PCDHA2: variants seen among roughly 807,000 people sequenced by gnomAD.
PCDHA2 encodes protocadherin alpha 2.
PCDHA2 carries 58 observed loss-of-function variants against 66.0 expected under a neutral mutation model. The ratio of observed to expected loss-of-function variants is 0.88; its 90% CI spans 0.71 to 1.09. PCDHA2 has a LOEUF of 1.09. Among genes scored for constraint, PCDHA2 ranks in the 50% least tolerant of loss-of-function variants. The pLI, the probability that PCDHA2 is intolerant of heterozygous loss-of-function variation, is 0.00. For synonymous variants in PCDHA2, 634 were observed against 554.0 expected, an observed-to-expected ratio of 1.14 and a Z score of -2.03; for missense variants, 1,267 against 1,242.3, an observed-to-expected ratio of 1.02 and a Z score of -0.30.
At chr5:140,810,582 T>C (rs1412871983) in intron 1 of PCDHA2, 2 of 152,238 alleles carry the variant, frequency 1.3e-5, no homozygotes, top group African/African-American at 4.8e-5. Flanking sequence ...GTTGAGTACC[T>C]TTCTATTTTA....
intron 1 of PCDHA2, chr5:140,869,765 A>C (rs376277801): frequency 1.9e-6 from 3 of 1,613,164 alleles, no homozygotes; most frequent in African/African-American, 2.7e-5. Flanking sequence ...GGAAAACCAG[A>C]GCTTACTGGC....
intron 2 of PCDHA2, among the ~76,000 whole-genome samples, chr5:140,980,855 C>T (rs1313101029): frequency 2.6e-5 from 4 of 151,960 alleles, no homozygotes; most frequent in South Asian, 2.1e-4. Flanking sequence ...TAATCTTTTT[C>T]GTATGTGTGC....
At chr5:140,902,560 G>A (rs558432897) in intron 1 of PCDHA2, among the ~76,000 whole-genome samples, 1 of 151,954 alleles carries the variant, frequency 6.6e-6, no homozygotes, top group African/African-American at 2.4e-5. Flanking sequence ...CCAGATTTTT[G>A]AGGGTTTTTA....
intron 3 of PCDHA2, among the ~76,000 whole-genome samples, chr5:140,985,145 G>A (rs2097138679): frequency 6.6e-6 from 1 of 152,080 alleles, no homozygotes; most frequent in South Asian, 2.1e-4. Context: ...CACCGTGTTA[G>A]CCAGGATTGT....
At position 140,993,185 on chromosome 5, in the gene PCDHA2, G is replaced by A. The variant is rs1393686590; in HGVS notation, c.2536+10622G>A. Among the ~76,000 whole-genome samples, 5 of 152,162 alleles carry A rather than the reference G, an allele frequency of 3.3e-5. No homozygotes were observed. The South Asian group carries it at 8.3e-4, about 25-fold the overall frequency. The stretch of plus-strand genomic sequence containing the variant: ...TTGCCTTTGGGAAATTTCTTTAGAG[G>A]GAAACTCACTAAAGCTAATTTTTTT... On this transcript the variant is annotated intron_variant, in intron 3 of 3. Transcript: ENST00000526136.
intron 1 of PCDHA2, chr5:140,821,793 A>C: frequency 6.2e-7 from 1 of 1,612,486 alleles, no homozygotes; most frequent in Non-Finnish European, 8.5e-7. Flanking sequence ...ATTCCCGGAG[A>C]GGAAGTCTGG....
chr5:140,843,962 A>G (rs1554140497), intron 1 of PCDHA2, among the ~76,000 whole-genome samples: 1 of 149,518 alleles, frequency 6.7e-6, no homozygotes, highest in Non-Finnish European at 1.5e-5. Context: ...TTTACTGAAT[A>G]TTTATTTTGG....
At chr5:140,978,572 A>T (rs1322135580) in intron 1 of PCDHA2, among the ~76,000 whole-genome samples, 2 of 152,234 alleles carry the variant, frequency 1.3e-5, no homozygotes, top group Non-Finnish European at 2.9e-5. Flanking sequence ...GTAATACTGA[A>T]TTGGGAATGT....
In PCDHA2 at chr5:140,891,714, A is replaced by T. The variant is rs147881763; in HGVS notation, c.2389-87235A>T. On this transcript the variant is annotated intron_variant, in intron 1 of 3. Transcript: ENST00000526136. ...GCTGTTGTCTGAATTTGTACCCCCA[A>T]ATTCATGTGTTGAAAATTCAATCCC... Among the ~76,000 whole-genome samples the T allele has an allele frequency of 2.6e-5, 4 of 152,262 alleles. No individual in the cohort carries two copies. In the East Asian group the frequency reaches 5.8e-4, roughly 22 times the overall value.
At chr5:140,998,095 CA>C (rs1482651958) in intron 3 of PCDHA2, among the ~76,000 whole-genome samples, 1 of 152,106 alleles carries the variant, frequency 6.6e-6, no homozygotes, top group Non-Finnish European at 1.5e-5. Flanking sequence ...AATGCTAGAG[CA>C]AACAGAGGAG....
At chr5:140,802,457 C>T (rs1762919716) in intron 1 of PCDHA2, 1 of 1,614,108 alleles carries the variant, frequency 6.2e-7, no homozygotes, top group South Asian at 1.1e-5. Flanking sequence ...GCGTGTCGGC[C>T]TATGAGCTGG....
At chr5:140,868,864 A>C (rs1554162257) in intron 1 of PCDHA2, 10 of 549,766 alleles carry the variant, frequency 1.8e-5, no homozygotes, top group Non-Finnish European at 1.8e-5. Context: ...TGGTAAATGC[A>C]GTGCACAGTA....
intron 3 of PCDHA2, among the ~76,000 whole-genome samples, chr5:140,987,354 G>A (rs1180342992): frequency 2.6e-5 from 4 of 152,166 alleles, no homozygotes; most frequent in Admixed American, 2.6e-4. Context: ...TATTCCTGAG[G>A]TTGTCTTATA....
rs782200079 is a variant in PCDHA2, at chr5:140,809,410, C to A, written c.2388+12058C>A. ...CTCCGGGCAAGCCCACGCTGGTGTG[C>A]TCCAGTGCGGTGGGGAGCTGGTCAT... On this transcript the variant is annotated intron_variant, in intron 1 of 3. Transcript: ENST00000526136. 5.6e-6 allele frequency: 9 copies of A among 1,614,104 alleles called. No individual in the cohort carries two copies. In the Admixed American group the frequency reaches 1.5e-4, roughly 27 times the overall value.
chr5:140,836,669 G>T (rs142732506), intron 1 of PCDHA2: 1 of 1,613,470 alleles, frequency 6.2e-7, no homozygotes, highest in African/African-American at 1.3e-5. Context: ...GCTCTGGGGA[G>T]GGCCCACCCA....
At chr5:140,879,103 GGT>G (rs2057856027) in intron 1 of PCDHA2, among the ~76,000 whole-genome samples, 1 of 152,156 alleles carries the variant, frequency 6.6e-6, no homozygotes, top group Admixed American at 6.6e-5. Flanking sequence ...CACAGTATAT[GGT>G]GTAATTGAAG....
intron 1 of PCDHA2, chr5:140,968,253 C>T: frequency 6.2e-7 from 1 of 1,614,026 alleles, no homozygotes; most frequent in Non-Finnish European, 8.5e-7. Context: ...GCCACAGACC[C>T]AGATGAAAAG....
At chr5:140,888,436 G>A (rs782695641) in intron 1 of PCDHA2, among the ~76,000 whole-genome samples, 5 of 152,104 alleles carry the variant, frequency 3.3e-5, no homozygotes, top group Non-Finnish European at 7.4e-5. Flanking sequence ...CAGGACAGCC[G>A]CCCAACAATA....
intron 1 of PCDHA2, chr5:140,858,018 C>G (rs1562532510): frequency 6.3e-7 from 1 of 1,596,908 alleles, no homozygotes; most frequent in Non-Finnish European, 8.6e-7. Flanking sequence ...GGCGAGCCGT[C>G]GCTGACGGCC....
Sources: gnomAD v4.1 joint callset for allele counts (sites outside exome capture counted in the v4.1 genomes callset) on GRCh38, gnomAD v4.1.1 for gene constraint, MANE v1.5 for transcripts, NCBI Gene and HGNC (gene_info 2026-07-23, HGNC 2026-07-21) for gene names.